The following UBASH3B variants were observed in gnomAD, a reference collection of about 807,000 sequenced individuals.
The protein encoded by UBASH3B is ubiquitin-associated and SH3 domain-containing protein B.
UBASH3B carries 37 observed loss-of-function variants against 83.4 expected under a neutral mutation model. That is an observed-to-expected ratio of 0.44 (90% confidence interval 0.34 to 0.58). The LOEUF is 0.58. Ranked by LOEUF, UBASH3B falls within the 20% of genes least tolerant of loss-of-function variation. The probability of loss-of-function intolerance (pLI) is 0.01; values close to 1 mark genes in which losing one functional copy is unlikely to be tolerated. For synonymous variants in UBASH3B, 304 were observed against 318.3 expected (o/e 0.96, Z 0.48); for missense variants, 657 against 827.2 (o/e 0.79, Z 2.52).
chr11:122,688,866 G>C lies in UBASH3B; in HGVS notation c.161+32656G>C, dbSNP rs536448857. Among the ~76,000 whole-genome samples, 4 of 151,854 alleles carry C rather than the reference G, an allele frequency of 2.6e-5. No homozygotes were observed. In the East Asian group the frequency reaches 7.8e-4, roughly 29 times the overall value. On this transcript the variant is annotated intron_variant, in intron 1 of 13. Transcript: ENST00000284273. Reference sequence around the variant, plus strand: ...TCACCGTGTTAGCCAGGATGGTGTCGATCTCCTGACCTCGTGATCCGCCTG... The same window carrying C: ...TCACCGTGTTAGCCAGGATGGTGTCCATCTCCTGACCTCGTGATCCGCCTG...
chr11:122,783,147 G>T lies in UBASH3B; in HGVS notation c.696G>T (p.Gln232His), dbSNP rs778363153. Residue 232 changes from glutamine (Q) to histidine (H), a missense_variant, in exon 5 of 14, where the codon CAG (glutamine) becomes CAT (histidine). Coordinates refer to ENST00000284273, the MANE Select transcript of UBASH3B (RefSeq NM_032873.5). ...TACCCACCCTAGAGAAACTGGCCCA[G>T]AACATTGACGTCAAGCTAGGGTGTG... ...SHLPTLEKLA[Q>H]NIDVKLGCDW... 6.2e-7 allele frequency: 1 copy of T among 1,614,116 alleles called. No homozygotes were observed. Among genetic ancestry groups the T allele is most frequent in the Admixed American group, 1.7e-5 (1 of 60,000 alleles).
At position 122,810,046 on chromosome 11, in the gene UBASH3B, G is replaced by A; in HGVS notation, c.*160G>A. 1 of 839,520 alleles carries A rather than the reference G, an allele frequency of 1.2e-6. No individual in the cohort carries two copies. The highest frequency in any genetic ancestry group is 1.8e-6 in the Non-Finnish European group (1 of 564,256). The allele number at this position is 839,520 out of a possible 1,614,324, so 52.0% of individuals were successfully genotyped here. On this transcript the variant is annotated 3_prime_UTR_variant, in exon 14 of 14. Transcript: ENST00000284273. ...GTTCTTAAGATGAGACTGTGTAAATGAGAGAAAGACTTGATTCAGAGGAAA... is the reference window on the plus strand; with the variant it reads ...GTTCTTAAGATGAGACTGTGTAAATAAGAGAAAGACTTGATTCAGAGGAAA...
intron 9 of UBASH3B, 57 bp downstream of exon 9, chr11:122,797,090 C>G: frequency 6.5e-7 from 1 of 1,530,606 alleles, no homozygotes; most frequent in Non-Finnish European, 8.8e-7. Context: ...CTTCAAAACA[C>G]TGGTACCATG....
Position 122,783,156 on chromosome 11 carries a change from C to T in UBASH3B, c.705C>T (p.Asp235=), listed in dbSNP as rs745396711. Residue 235 remains aspartate, a synonymous_variant, in exon 5 of 14, where the codon GAC becomes GAT. Transcript: ENST00000284273. ...PTLEKLAQNI[D]VKLGCDWVAT... is the part of the protein sequence containing the mutation. Reference sequence around the variant, plus strand: ...TAGAGAAACTGGCCCAGAACATTGACGTCAAGCTAGGGTGTGACTGGGTGG... The same window carrying T: ...TAGAGAAACTGGCCCAGAACATTGATGTCAAGCTAGGGTGTGACTGGGTGG... 8.7e-6 allele frequency: 14 copies of T among 1,614,030 alleles called. No homozygotes were observed. The highest frequency in any genetic ancestry group is 4.5e-5 in the East Asian group (2 of 44,896).
At chr11:122,807,318 C>CT (rs1861358230) in intron 12 of UBASH3B, among the ~76,000 whole-genome samples, 1 of 152,180 alleles carries the variant, frequency 6.6e-6, no homozygotes, top group African/African-American at 2.4e-5. Flanking sequence ...TTACAAAAAG[C>CT]TACACATATG....
chr11:122,729,370 A>T (rs1860800038), intron 1 of UBASH3B, among the ~76,000 whole-genome samples: 1 of 152,150 alleles, frequency 6.6e-6, no homozygotes, highest in Non-Finnish European at 1.5e-5. Flanking sequence ...TGAGCCACAC[A>T]CTGGGGCTTT....
intron 1 of UBASH3B, among the ~76,000 whole-genome samples, chr11:122,705,904 G>A (rs115655343): frequency 0.013 from 2,019 of 152,130 alleles, 40 homozygotes; most frequent in South Asian, 0.073. Flanking sequence ...TTTGTGAGGC[G>A]TTGACCAGGC....
At chr11:122,659,164 C>G (rs2135887849) in intron 1 of UBASH3B, among the ~76,000 whole-genome samples, 1 of 152,218 alleles carries the variant, frequency 6.6e-6, no homozygotes, top group East Asian at 1.9e-4. Flanking sequence ...AGTAATCTCC[C>G]CATCTCAAGA....
intron 1 of UBASH3B, among the ~76,000 whole-genome samples, chr11:122,718,253 A>C (rs1448413188): frequency 6.6e-6 from 1 of 152,210 alleles, no homozygotes; most frequent in Non-Finnish European, 1.5e-5. Context: ...CGTCCAAGAA[A>C]GTGGATGCAT....
chr11:122,749,913 A>G (rs543507717), intron 1 of UBASH3B, among the ~76,000 whole-genome samples: 8 of 152,186 alleles, frequency 5.3e-5, no homozygotes, highest in Admixed American at 5.2e-4. Context: ...TTATATTTTT[A>G]GTAGAGATGG....
chr11:122,679,174 A>G (rs533389810), intron 1 of UBASH3B, among the ~76,000 whole-genome samples: 14 of 152,112 alleles, frequency 9.2e-5, no homozygotes, highest in African/African-American at 2.9e-4. Flanking sequence ...GCAACTGGAC[A>G]TGTTGAGGGT....
intron 1 of UBASH3B, among the ~76,000 whole-genome samples, chr11:122,729,181 G>A (rs1860797079): frequency 2.0e-5 from 3 of 152,196 alleles, no homozygotes; most frequent in Non-Finnish European, 2.9e-5. Flanking sequence ...CTAGGACTGC[G>A]GAGTGAGTAC....
intron 1 of UBASH3B, among the ~76,000 whole-genome samples, chr11:122,772,564 C>G (rs1004687246): frequency 2.0e-5 from 3 of 152,144 alleles, no homozygotes; most frequent in African/African-American, 7.2e-5. Context: ...CTCAGGCAGA[C>G]TAACAGGAAA....
chr11:122,682,309 G>A (rs1863751800), intron 1 of UBASH3B, among the ~76,000 whole-genome samples: 1 of 152,158 alleles, frequency 6.6e-6, no homozygotes, highest in African/African-American at 2.4e-5. Flanking sequence ...GCCTCTCACC[G>A]TCCAGTATGA....
chr11:122,765,810 C>T (rs1315436910), intron 1 of UBASH3B, among the ~76,000 whole-genome samples: 1 of 152,192 alleles, frequency 6.6e-6, no homozygotes, highest in Non-Finnish European at 1.5e-5. Context: ...GCCCAGGCTG[C>T]TCCTGGGCTA....
intron 1 of UBASH3B, among the ~76,000 whole-genome samples, chr11:122,719,591 G>A (rs533557475): frequency 6.6e-6 from 1 of 152,296 alleles, no homozygotes; most frequent in South Asian, 2.1e-4. Context: ...AGCAAAGGTA[G>A]TAATAATCAG....
chr11:122,766,893 C>T (rs1328655720), intron 1 of UBASH3B, among the ~76,000 whole-genome samples: 3 of 152,250 alleles, frequency 2.0e-5, no homozygotes, highest in African/African-American at 7.2e-5. Context: ...CACCACCCAC[C>T]CATGTCTCCA....
At chr11:122,767,957 G>A (rs1228277452) in intron 1 of UBASH3B, among the ~76,000 whole-genome samples, 1 of 152,180 alleles carries the variant, frequency 6.6e-6, no homozygotes, top group Non-Finnish European at 1.5e-5. Context: ...CCTTAAACAT[G>A]GACCTCAGGT....
chr11:122,780,932 G>A (rs184591657), intron 4 of UBASH3B, among the ~76,000 whole-genome samples: 1 of 152,312 alleles, frequency 6.6e-6, no homozygotes, highest in East Asian at 1.9e-4. Context: ...TTGCTCCTTA[G>A]CCTTTTGGCC....
Sources: gnomAD v4.1 joint callset for allele counts (sites outside exome capture counted in the v4.1 genomes callset) on GRCh38, gnomAD v4.1.1 for gene constraint, MANE v1.5 for transcripts, NCBI Gene and HGNC (gene_info 2026-07-23, HGNC 2026-07-21) for gene names.